The following DOCK3 variants were observed in gnomAD, a reference collection of about 807,000 sequenced individuals.
DOCK3 encodes the protein dedicator of cytokinesis 3.
In DOCK3, 60 loss-of-function variants were observed where a neutral mutation model predicts 265.6. That is an observed-to-expected ratio of 0.23 (90% CI 0.18 to 0.28). DOCK3 has a LOEUF of 0.28. Ranked by LOEUF, DOCK3 falls within the 10% of genes least tolerant of loss-of-function variation. The probability of loss-of-function intolerance (pLI) is 1.00; values close to 1 mark genes in which losing one functional copy is unlikely to be tolerated. For missense variants in DOCK3, 1,981 were observed against 2,594.3 expected (o/e 0.76, Z 5.14); for synonymous variants, 881 against 938.0 (o/e 0.94, Z 1.11).
At chr3:50,847,655 G>A (rs1178085822) in intron 3 of DOCK3, among the ~76,000 whole-genome samples, 1 of 152,032 alleles carries the variant, frequency 6.6e-6, no homozygotes. Context: ...AGGCTGAGGT[G>A]GGCAGATCAT....
Position 51,212,715 on chromosome 3 carries a change from C to T in DOCK3, c.1127-1407C>T, listed in dbSNP as rs143848546. Among the ~76,000 whole-genome samples the T allele has an allele frequency of 2.5e-3, 388 of 152,226 alleles. 5 individuals are homozygous for T. The highest frequency in any genetic ancestry group is 8.7e-3 in the African/African-American group (362 of 41,530). On this transcript the variant is annotated intron_variant, in intron 13 of 52. Coordinates refer to ENST00000266037, the MANE Select transcript of DOCK3 (RefSeq NM_004947.5). ...TTCATAAACTAATTGCGGTTTAGTC[C>T]ACCAGTGATTAGGCTTAAGATAATT...
At chr3:50,896,344 G>A (rs770053490) in intron 4 of DOCK3, among the ~76,000 whole-genome samples, 1 of 152,096 alleles carries the variant, frequency 6.6e-6, no homozygotes, top group Non-Finnish European at 1.5e-5. Context: ...TTTTGATGGA[G>A]TTGTTTTTTT....
intron 1 of DOCK3, among the ~76,000 whole-genome samples, chr3:50,760,377 G>A (rs1390580028): frequency 2.6e-5 from 4 of 152,224 alleles, no homozygotes; most frequent in South Asian, 4.1e-4. Context: ...ACTTAGGATG[G>A]TTTGTCTTAT....
At chr3:50,691,396 C>G (rs1354587539) in intron 1 of DOCK3, among the ~76,000 whole-genome samples, 1 of 151,752 alleles carries the variant, frequency 6.6e-6, no homozygotes, top group African/African-American at 2.4e-5. Flanking sequence ...GTTAGAACTT[C>G]GTTCCTTCTT....
intron 27 of DOCK3, among the ~76,000 whole-genome samples, chr3:51,301,368 AT>A (rs555786606): frequency 4.6e-4 from 67 of 145,748 alleles, no homozygotes; most frequent in South Asian, 1.5e-3. Context: ...GGATTCATTG[AT>A]TTTTTTTTTT....
intron 4 of DOCK3, among the ~76,000 whole-genome samples, chr3:50,894,752 AT>A (rs922982322): frequency 6.6e-6 from 1 of 151,316 alleles, no homozygotes. Flanking sequence ...TTTGTTTTTG[AT>A]TTTTTTTTAC....
chr3:51,083,873 A>G (rs1184045095), intron 7 of DOCK3, among the ~76,000 whole-genome samples: 1 of 152,148 alleles, frequency 6.6e-6, no homozygotes, highest in African/African-American at 2.4e-5. Flanking sequence ...AGGCCCAGCT[A>G]CTTGGGAGAC....
intron 9 of DOCK3, among the ~76,000 whole-genome samples, chr3:51,124,796 T>G (rs1363116074): frequency 6.6e-6 from 1 of 152,170 alleles, no homozygotes; most frequent in African/African-American, 2.4e-5. Context: ...ATCTTGTCTC[T>G]GTAGCTTATT....
At chr3:50,895,204 C>CTTT (rs34645584) in intron 4 of DOCK3, among the ~76,000 whole-genome samples, 1 of 121,972 alleles carries the variant, frequency 8.2e-6, no homozygotes, top group African/African-American at 3.0e-5. Context: ...TTTATCCCCG[C>CTTT]TTTTTTTTTT....
chr3:51,175,567 C>T (rs2086895631), intron 12 of DOCK3, among the ~76,000 whole-genome samples: 1 of 152,102 alleles, frequency 6.6e-6, no homozygotes, highest in African/African-American at 2.4e-5. Context: ...CTGAGGTCTG[C>T]AGGTCTGCCT....
chr3:51,080,420 A>G (rs1040376305), intron 7 of DOCK3, among the ~76,000 whole-genome samples: 1 of 152,202 alleles, frequency 6.6e-6, no homozygotes, highest in African/African-American at 2.4e-5. Context: ...CAAAGTCTAG[A>G]GTTACGTAGC....
chr3:50,768,523 C>A (rs2041057886), intron 1 of DOCK3, among the ~76,000 whole-genome samples: 2 of 152,080 alleles, frequency 1.3e-5, no homozygotes, highest in African/African-American at 4.8e-5. Flanking sequence ...TCAACATATG[C>A]AAATCAATAA....
chr3:50,804,742 A>G (rs546841504), intron 2 of DOCK3, among the ~76,000 whole-genome samples: 7 of 148,738 alleles, frequency 4.7e-5, no homozygotes, highest in Non-Finnish European at 8.9e-5. Context: ...AGAGAGGGAG[A>G]GAGAGACCGT....
intron 19 of DOCK3, among the ~76,000 whole-genome samples, chr3:51,234,165 T>A (rs2078255866): frequency 6.6e-6 from 1 of 152,248 alleles, no homozygotes; most frequent in African/African-American, 2.4e-5. Flanking sequence ...TTATGTTTTA[T>A]CTTTTGGTAA....
At chr3:51,018,754 C>T (rs1282532379) in intron 5 of DOCK3, among the ~76,000 whole-genome samples, 3 of 151,434 alleles carry the variant, frequency 2.0e-5, no homozygotes, top group Admixed American at 6.6e-5. Flanking sequence ...GGCATCATGT[C>T]GGTGTTCAAA....
chr3:50,785,110 T>C (rs1009650889), intron 2 of DOCK3, among the ~76,000 whole-genome samples: 4 of 152,226 alleles, frequency 2.6e-5, no homozygotes, highest in Admixed American at 2.0e-4. Flanking sequence ...TGAGCTGAGA[T>C]TGTGCCATTG....
intron 3 of DOCK3, among the ~76,000 whole-genome samples, chr3:50,846,073 T>A (rs2046064976): frequency 6.6e-6 from 1 of 152,190 alleles, no homozygotes; most frequent in African/African-American, 2.4e-5. Flanking sequence ...AAGAACGTGA[T>A]AATTCTTTTG....
chr3:51,164,940 CT>C (rs66495824), intron 12 of DOCK3, among the ~76,000 whole-genome samples: 4,080 of 106,748 alleles, frequency 0.038, 128 homozygotes, highest in African/African-American at 0.14. Flanking sequence ...GTTTAGGAGC[CT>C]TTTTTTTTTT....
chr3:51,232,166 G>A (rs982560272), intron 19 of DOCK3, among the ~76,000 whole-genome samples: 1 of 152,058 alleles, frequency 6.6e-6, no homozygotes, highest in Non-Finnish European at 1.5e-5. Context: ...TGGGATACAG[G>A]TGGTTTTTGG....
Sources: gnomAD v4.1 joint callset for allele counts (sites outside exome capture counted in the v4.1 genomes callset) on GRCh38, gnomAD v4.1.1 for gene constraint, MANE v1.5 for transcripts, NCBI Gene and HGNC (gene_info 2026-07-23, HGNC 2026-07-21) for gene names.